ARHGEF4: variants seen among roughly 807,000 people sequenced by gnomAD.
ARHGEF4 encodes the protein APC-stimulated guanine nucleotide exchange factor 1.
In ARHGEF4, 119 loss-of-function variants were observed where a neutral mutation model predicts 162.0. The ratio of observed to expected loss-of-function variants is 0.73; its 90% confidence interval spans 0.63 to 0.86. The LOEUF is 0.86. Among genes scored for constraint, ARHGEF4 ranks in the 40% least tolerant of loss-of-function variants. The pLI, the probability that ARHGEF4 is intolerant of heterozygous loss-of-function variation, is 0.00. For missense variants in ARHGEF4, 2,488 were observed against 2,456.0 expected, an observed-to-expected ratio of 1.01 and a Z score of -0.28; for synonymous variants, 1,014 against 979.9, an observed-to-expected ratio of 1.03 and a Z score of -0.65.
intron 1 of ARHGEF4, among the ~76,000 whole-genome samples, chr2:130,878,273 T>G (rs1419748042): frequency 6.6e-6 from 1 of 152,188 alleles, no homozygotes; most frequent in Non-Finnish European, 1.5e-5. Flanking sequence ...TGGGCTAGAT[T>G]TGGTCCACGA....
rs1330844578 is a variant in ARHGEF4 at position 130,887,209 on chromosome 2, T to TA, written c.40-26776dup. Among the ~76,000 whole-genome samples, 148 of 152,108 alleles carry TA rather than the reference T, an allele frequency of 9.7e-4. 5 individuals are homozygous for TA. The highest frequency in any genetic ancestry group is 3.4e-3 in the African/African-American group (141 of 41,398). On this transcript the variant is annotated intron_variant, in intron 1 of 13. Transcript: ENST00000409359. ...AGCTGGGCATGGTGGCATGTGTCTG[T>TA]AGTCCCAGCTACTTGGGAGGCTGAG...
At chr2:130,922,109 C>T (rs549864255) in intron 2 of ARHGEF4, among the ~76,000 whole-genome samples, 76 of 152,040 alleles carry the variant, frequency 5.0e-4, no homozygotes, top group Admixed American at 1.5e-3. Context: ...GTGGCTCAAG[C>T]CTGTAATCTC....
chr2:130,949,544 C>G (rs1346244709), intron 4 of ARHGEF4, among the ~76,000 whole-genome samples: 3 of 151,874 alleles, frequency 2.0e-5, no homozygotes, highest in Non-Finnish European at 4.4e-5. Context: ...TTAGTAGAGA[C>G]AGGGTTTCAC....
At position 130,864,490 on chromosome 2, in the gene ARHGEF4, C is replaced by T. The variant is rs189601461; in HGVS notation, c.39+27498C>T. On this transcript the variant is annotated intron_variant, in intron 1 of 13. Transcript: ENST00000409359. Reference sequence around the variant, plus strand: ...CTATAATCCCAGCACTTTGGGAGGCCGAGGCAGGCGAATCACTAGAGGTCA... The same window carrying T: ...CTATAATCCCAGCACTTTGGGAGGCTGAGGCAGGCGAATCACTAGAGGTCA... 3.4e-3 allele frequency among the ~76,000 whole-genome samples: 523 copies of T among 152,242 alleles called. 3 individuals are homozygous for T. The highest frequency in any genetic ancestry group is 0.012 in the African/African-American group (480 of 41,534).
rs1424734077 is a variant in ARHGEF4 at position 130,916,284 on chromosome 2, G to A, written c.2338G>A (p.Gly780Arg). The change falls in exon 2 of 14, where the codon GGG becomes AGG. Residue 780 changes from glycine to arginine, a missense_variant. Physicochemically the swap from Gly to Arg is moderately radical, Grantham distance 125. Around this residue, in one of 6 missense-constraint regions of ARHGEF4, gnomAD observed 1,642 missense variants for 1,481.5 expected, o/e 1.11. Transcript: ENST00000409359. ...PALEPPQPPR[G>R]LRKGAQEPGK... Reference sequence around the variant, plus strand: ...CTTGGAGCCGCCCCAGCCGCCACGCGGGCTCCGCAAGGGCGCGCAGGAGCC... The same window carrying A: ...CTTGGAGCCGCCCCAGCCGCCACGCAGGCTCCGCAAGGGCGCGCAGGAGCC... 7.2e-6 allele frequency: 11 copies of A among 1,529,566 alleles called. No individual in the cohort carries two copies. In the African/African-American group the frequency reaches 1.4e-4, roughly 20 times the overall value. 94.7% of individuals were successfully genotyped at this position (1,529,566 alleles called of 1,614,324 possible). A position where few individuals can be genotyped will look rare whatever the true frequency, so the allele number is the denominator to read the frequency against.
intron 3 of ARHGEF4, among the ~76,000 whole-genome samples, chr2:130,944,242 T>C (rs889768276): frequency 6.6e-6 from 1 of 152,224 alleles, no homozygotes; most frequent in Admixed American, 6.5e-5. Flanking sequence ...ATGATGTCTC[T>C]AGGCATTGAT....
At chr2:130,991,049 A>G (rs933558687) in intron 4 of ARHGEF4, among the ~76,000 whole-genome samples, 8 of 152,218 alleles carry the variant, frequency 5.3e-5, no homozygotes, top group Non-Finnish European at 1.2e-4. Flanking sequence ...CAAAAAGGAG[A>G]AAATAGACTA....
chr2:130,850,672 G>A (rs540676935), intron 1 of ARHGEF4, among the ~76,000 whole-genome samples: 29 of 152,356 alleles, frequency 1.9e-4, no homozygotes, highest in Non-Finnish European at 3.8e-4. Flanking sequence ...TGGGCCACAG[G>A]GTGGTATCCC....
intron 1 of ARHGEF4, among the ~76,000 whole-genome samples, chr2:130,840,456 G>T (rs1399458749): frequency 6.6e-6 from 1 of 152,132 alleles, no homozygotes; most frequent in Non-Finnish European, 1.5e-5. Context: ...GGGTGCTGGT[G>T]GTTTCTCAGT....
At chr2:130,876,280 G>A (rs569846331) in intron 1 of ARHGEF4, among the ~76,000 whole-genome samples, 135 of 152,316 alleles carry the variant, frequency 8.9e-4, no homozygotes, top group African/African-American at 3.0e-3. Context: ...TAGGAGCACC[G>A]CATGAATGCT....
At chr2:130,892,186 G>C (rs1679896472) in intron 1 of ARHGEF4, among the ~76,000 whole-genome samples, 1 of 152,162 alleles carries the variant, frequency 6.6e-6, no homozygotes, top group Non-Finnish European at 1.5e-5. Flanking sequence ...AGAGCACTCA[G>C]CCTTGACCTA....
chr2:130,977,576 T>C (rs1366881102), intron 4 of ARHGEF4, among the ~76,000 whole-genome samples: 2 of 152,038 alleles, frequency 1.3e-5, no homozygotes, highest in African/African-American at 4.8e-5. Context: ...GCATGTTACA[T>C]GTATGTTGTG....
chr2:130,963,197 T>C (rs1684738126), intron 4 of ARHGEF4, among the ~76,000 whole-genome samples: 1 of 152,202 alleles, frequency 6.6e-6, no homozygotes, highest in African/African-American at 2.4e-5. Context: ...CTAAAATCGT[T>C]TGGCATGGAC....
intron 1 of ARHGEF4, among the ~76,000 whole-genome samples, chr2:130,890,657 T>C (rs1304522140): frequency 6.6e-6 from 1 of 152,208 alleles, no homozygotes; most frequent in Non-Finnish European, 1.5e-5. Flanking sequence ...TCTCTTTGGC[T>C]GTGTCTGATT....
intron 4 of ARHGEF4, among the ~76,000 whole-genome samples, chr2:130,952,666 A>T (rs1476129217): frequency 6.6e-6 from 1 of 152,196 alleles, no homozygotes; most frequent in African/African-American, 2.4e-5. Context: ...AGAAAACCCC[A>T]TCGTTTCAGC....
intron 2 of ARHGEF4, among the ~76,000 whole-genome samples, chr2:130,926,014 C>CTTTT (rs376311066): frequency 4.1e-5 from 4 of 97,274 alleles, no homozygotes; most frequent in South Asian, 9.1e-4. Flanking sequence ...TTGGTTTTCT[C>CTTTT]TCTTTCTTTC....
rs533101396 is a variant in ARHGEF4 at position 130,971,374 on chromosome 2, A to G, written c.3985+24739A>G. The stretch of plus-strand genomic sequence containing the variant: ...TATACATTTTAGAACCAACTTGTCA[A>G]TATCAGTTAGGTGCAGTGGCTCACG... On this transcript the variant is annotated intron_variant, in intron 4 of 13. Transcript: ENST00000409359. Among the ~76,000 whole-genome samples the G allele has an allele frequency of 4.6e-5, 7 of 152,230 alleles. No homozygotes were observed. The East Asian group carries it at 1.4e-3, about 29-fold the overall frequency.
chr2:130,928,326 AC>A (rs1682423831), intron 2 of ARHGEF4, among the ~76,000 whole-genome samples: 1 of 152,220 alleles, frequency 6.6e-6, no homozygotes, highest in Non-Finnish European at 1.5e-5. Flanking sequence ...ACAGGATTAT[AC>A]CGGGAAAGAA....
At chr2:130,962,472 T>G (rs181039002) in intron 4 of ARHGEF4, among the ~76,000 whole-genome samples, 1 of 152,210 alleles carries the variant, frequency 6.6e-6, no homozygotes, top group African/African-American at 2.4e-5. Flanking sequence ...CCCAGCCCCC[T>G]GGGTTGTTAG....
Sources: gnomAD v4.1 joint callset for allele counts (sites outside exome capture counted in the v4.1 genomes callset) on GRCh38, gnomAD v4.1.1 for gene constraint, gnomAD v4.1.1 regional missense constraint, MANE v1.5 for transcripts, NCBI Gene and HGNC (gene_info 2026-07-23, HGNC 2026-07-21) for gene names.